The following FANCL variants were observed in gnomAD, a reference collection of about 807,000 sequenced individuals.
FANCL encodes the protein E3 ubiquitin-protein ligase FANCL.
A neutral mutation model predicts 59.4 loss-of-function variants in FANCL; 69 were observed. The observed-to-expected ratio is 1.16, with a 90% CI of 0.96 to 1.42. The LOEUF is 1.42. Among genes scored for constraint, FANCL ranks in the 40% most tolerant of loss-of-function variants. FANCL has a pLI of 0.00. For missense variants in FANCL, 519 were observed against 447.2 expected (o/e 1.16, Z -1.45); for synonymous variants, 180 against 147.1 (o/e 1.22, Z -1.62).
At chr2:58,212,431 A>C (rs1317530114) in intron 5 of FANCL, among the ~76,000 whole-genome samples, 2 of 152,236 alleles carry the variant, frequency 1.3e-5, no homozygotes, top group African/African-American at 4.8e-5. Flanking sequence ...CAGGGGATAC[A>C]GAACCAAACC....
chr2:58,187,760 T>C (rs1688550874), intron 7 of FANCL, among the ~76,000 whole-genome samples: 1 of 152,154 alleles, frequency 6.6e-6, no homozygotes, highest in Admixed American at 6.6e-5. Context: ...CCTTGAAAAA[T>C]CTAGAACGTG....
At chr2:58,237,636 AT>A (rs1199231545) in intron 1 of FANCL, among the ~76,000 whole-genome samples, 5 of 152,166 alleles carry the variant, frequency 3.3e-5, no homozygotes, top group African/African-American at 4.8e-5. Flanking sequence ...CTTTGAAGAA[AT>A]CAGTAAAATT....
rs543833738 is a variant in FANCL, at chr2:58,237,596, G to GA, written c.96+3621dup. ...ATCATATAGAAACATAAAAATAATA[G>GA]AAAAAAATTGAAGAAATTAAAGACA... On this transcript the variant is annotated intron_variant, in intron 1 of 13. Transcript: ENST00000233741. Among the ~76,000 whole-genome samples, 161 of 151,458 alleles carry GA rather than the reference G, an allele frequency of 1.1e-3. No individual in the cohort carries two copies. The Middle Eastern group carries it at 0.014, about 13-fold the overall frequency.
intron 5 of FANCL, among the ~76,000 whole-genome samples, chr2:58,208,369 T>C (rs185749937): frequency 6.6e-6 from 1 of 152,346 alleles, no homozygotes; most frequent in Non-Finnish European, 1.5e-5. Context: ...CTCCACTTTG[T>C]ATTTATCATT....
At chr2:58,161,375 A>T (rs767230450) in intron 12 of FANCL, 147 bp downstream of exon 12, 119 of 676,712 alleles carry the variant, frequency 1.8e-4, no homozygotes, top group Admixed American at 1.2e-4. Flanking sequence ...GCACATAAGC[A>T]TCTGGAATAA....
intron 7 of FANCL, among the ~76,000 whole-genome samples, chr2:58,184,176 T>C (rs1157050977): frequency 2.0e-5 from 3 of 152,058 alleles, no homozygotes; most frequent in South Asian, 2.1e-4. Context: ...TTTTAACAAA[T>C]ATGAATACAT....
chr2:58,182,676 C>A (rs1688045196), intron 7 of FANCL, among the ~76,000 whole-genome samples: 1 of 151,600 alleles, frequency 6.6e-6, no homozygotes, highest in African/African-American at 2.4e-5. Context: ...CTGAAGAATG[C>A]AATCCTCACT....
At chr2:58,201,643 G>C (rs1031926224) in intron 6 of FANCL, among the ~76,000 whole-genome samples, 2 of 151,946 alleles carry the variant, frequency 1.3e-5, no homozygotes, top group African/African-American at 4.8e-5. Context: ...TGCTACTTTT[G>C]TAAAGCAAAG....
intron 5 of FANCL, among the ~76,000 whole-genome samples, chr2:58,217,171 T>C (rs1229604156): frequency 4.5e-5 from 1 of 21,986 alleles, no homozygotes; most frequent in Non-Finnish European, 8.1e-5. Flanking sequence ...ATATTTTATA[T>C]ATATATATAT....
intron 4 of FANCL, among the ~76,000 whole-genome samples, chr2:58,223,513 T>C (rs1312759285): frequency 6.6e-6 from 1 of 152,026 alleles, no homozygotes; most frequent in African/African-American, 2.4e-5. Flanking sequence ...ATTTATACAC[T>C]CTACCTTCTA....
At chr2:58,206,046 G>A (rs142816428) in intron 5 of FANCL, among the ~76,000 whole-genome samples, 1 of 152,134 alleles carries the variant, frequency 6.6e-6, no homozygotes, top group African/African-American at 2.4e-5. Context: ...AAATATATTT[G>A]ACTACTACAA....
intron 5 of FANCL, among the ~76,000 whole-genome samples, chr2:58,206,994 C>T (rs899769576): frequency 6.6e-6 from 1 of 152,054 alleles, no homozygotes; most frequent in Non-Finnish European, 1.5e-5. Context: ...GGATCCCTGC[C>T]CCCACTCAAC....
intron 7 of FANCL, 121 bp from the exon 8 acceptor site, chr2:58,165,995 C>T: frequency 1.1e-6 from 1 of 913,522 alleles, no homozygotes; most frequent in Non-Finnish European, 1.7e-6. Flanking sequence ...ACAAAGTAGA[C>T]TCCAGTAAAC....
intron 7 of FANCL, chr2:58,194,264 G>T (rs895937112): frequency 2.1e-6 from 1 of 470,916 alleles, no homozygotes; most frequent in African/African-American, 2.0e-5. Context: ...ATTTTTGCTT[G>T]ATCAGTGACC....
intron 7 of FANCL, among the ~76,000 whole-genome samples, chr2:58,173,923 A>C (rs1346831222): frequency 1.3e-5 from 2 of 152,108 alleles, no homozygotes; most frequent in Non-Finnish European, 2.9e-5. Context: ...ATAGGCTCAA[A>C]ATAAAAGGAT....
intron 6 of FANCL, among the ~76,000 whole-genome samples, chr2:58,200,992 T>C (rs1191512685): frequency 6.6e-6 from 1 of 151,094 alleles, no homozygotes; most frequent in African/African-American, 2.4e-5. Context: ...AAACCTCACA[T>C]AACAGTACAG....
chr2:58,230,208 C>A (rs960028255), intron 2 of FANCL, among the ~76,000 whole-genome samples: 3 of 152,174 alleles, frequency 2.0e-5, no homozygotes, highest in African/African-American at 4.8e-5. Context: ...AACAATATAT[C>A]ATCAAATATA....
At chr2:58,188,765 G>A (rs566747454) in intron 7 of FANCL, among the ~76,000 whole-genome samples, 71 of 149,210 alleles carry the variant, frequency 4.8e-4, no homozygotes, top group African/African-American at 1.7e-3. Context: ...TCTTAAATTA[G>A]GAAGGAAAAA....
intron 7 of FANCL, among the ~76,000 whole-genome samples, chr2:58,171,978 C>A (rs566048942): frequency 6.6e-6 from 1 of 152,346 alleles, no homozygotes; most frequent in African/African-American, 2.4e-5. Context: ...GTCCTACGCC[C>A]ACGGAGCCTC....
Sources: allele counts gnomAD v4.1 joint callset (sites outside exome capture counted in the v4.1 genomes callset), GRCh38; gene constraint gnomAD v4.1.1; transcripts MANE v1.5; gene names NCBI Gene and HGNC (gene_info 2026-07-23, HGNC 2026-07-21).